Variants in SF1 observed in about 807,000 individuals in gnomAD.
SF1 encodes the protein branch point-binding protein.
A neutral mutation model predicts 62.5 loss-of-function variants in SF1; 7 were observed. The observed-to-expected ratio is 0.11, with a 90% CI of 0.06 to 0.21. The LOEUF is 0.21. Among genes scored for constraint, SF1 ranks in the 10% least tolerant of loss-of-function variants. The probability of loss-of-function intolerance (pLI) is 1.00; values close to 1 mark genes in which losing one functional copy is unlikely to be tolerated. For missense variants in SF1, 578 were observed against 884.0 expected (o/e 0.65, Z 4.39); for synonymous variants, 394 against 323.6 (o/e 1.22, Z -2.33).
At chr11:64,770,884 G>A in intron 3 of SF1, among the ~76,000 whole-genome samples, 1 of 152,186 alleles carries the variant, frequency 6.6e-6, no homozygotes, top group Non-Finnish European at 1.5e-5. Context: ...TAGTATGTAT[G>A]AGCTCTTTAA....
intron 2 of SF1, among the ~76,000 whole-genome samples, chr11:64,775,459 G>A (rs1285181920): frequency 6.6e-6 from 1 of 152,156 alleles, no homozygotes; most frequent in East Asian, 1.9e-4. Context: ...AGGAACAGTA[G>A]GGGAAAGAAC....
At chr11:64,766,791 G>A in intron 12 of SF1, 109 bp downstream of exon 12, 1 of 888,198 alleles carries the variant, frequency 1.1e-6, no homozygotes, top group Non-Finnish European at 1.6e-6. Flanking sequence ...CCCCAGCAGA[G>A]CCCAGGGGCT....
Position 64,765,469 on chromosome 11 carries a change from G to C in SF1, c.*349C>G. On this transcript the variant is annotated 3_prime_UTR_variant, in exon 13 of 13. Coordinates refer to ENST00000377390, the MANE Select transcript of SF1 (RefSeq NM_004630.4). ...CCTGGAAGGGTCACCAATGGGCGCG[G>C]AAAGTCCTCACTCTCATGGCTCGGG... is the stretch of plus-strand genomic sequence containing the variant. 1.2e-6 allele frequency: 2 copies of C among 1,613,532 alleles called. No homozygotes were observed. The highest frequency in any genetic ancestry group is 1.7e-6 in the Non-Finnish European group (2 of 1,179,752).
intron 10 of SF1, 33 bp downstream of exon 10, chr11:64,767,538 G>GC: frequency 7.9e-6 from 12 of 1,521,862 alleles, no homozygotes; most frequent in Middle Eastern, 4.3e-4. Context: ...TTATCCCAAA[G>GC]CCCCCAAGGT....
chr11:64,768,452 G>A (rs1387083520), intron 8 of SF1, among the ~76,000 whole-genome samples, 166 bp from the exon 9 acceptor site: 1 of 152,222 alleles, frequency 6.6e-6, no homozygotes, highest in Non-Finnish European at 1.5e-5. Context: ...AGTCTCATCA[G>A]ATCTTCAGTT....
Position 64,767,753 on chromosome 11 carries a change from G to T in SF1, c.1160C>A (p.Pro387His), listed in dbSNP as rs748351288. ...RPYHGMHGGG[P>H]GGPGGGPHSF... Reference sequence around the variant, plus strand: ...GTGGGGGCCACCTCCGGGCCCACCAGGACCACCTCCATGCATGCCGTGGTA... The same window carrying T: ...GTGGGGGCCACCTCCGGGCCCACCATGACCACCTCCATGCATGCCGTGGTA... Residue 387 changes from proline (P) to histidine (H), a missense_variant, in exon 10 of 13, where the codon CCT becomes CAT. By Grantham distance (77) the Pro-to-His change is moderately conservative (BLOSUM62 -2). Coordinates refer to ENST00000377390, the MANE Select transcript of SF1 (RefSeq NM_004630.4). 2.5e-6 allele frequency: 4 copies of T among 1,613,348 alleles called. No individual in the cohort carries two copies. Among genetic ancestry groups the T allele is most frequent in the Non-Finnish European group, 2.5e-6 (3 of 1,179,632 alleles).
rs1438755341 is a variant in SF1, at chr11:64,767,556, C to G, written c.1342+15G>C. ...TCCCAAAGCCCCCAAGGTTTCTGGTCTGACACTTACTTACCCATTGGAGGA... is the reference window on the plus strand; with the variant it reads ...TCCCAAAGCCCCCAAGGTTTCTGGTGTGACACTTACTTACCCATTGGAGGA... On this transcript the variant is annotated intron_variant, in intron 10 of 12. Coordinates refer to ENST00000377390, the MANE Select transcript of SF1 (RefSeq NM_004630.4). 1 of 1,535,238 alleles carries G rather than the reference C, an allele frequency of 6.5e-7. No homozygotes were observed. The highest frequency in any genetic ancestry group is 2.3e-5 in the East Asian group (1 of 44,062).
In SF1 at chr11:64,766,980, T is replaced by C. The variant is rs2058719743; in HGVS notation, c.1502A>G (p.Gln501Arg). Reference protein sequence around the residue: ...PPPSGPLPPWQQQQQQPPPPP... With the variant: ...PPPSGPLPPWRQQQQQPPPPP... ...TGGCGGAGGCTGCTGCTGCTGTTGTTGCCATGGGGGAAGAGGACCAGAGGG... is the reference window on the plus strand; with the variant it reads ...TGGCGGAGGCTGCTGCTGCTGTTGTCGCCATGGGGGAAGAGGACCAGAGGG... The change falls in exon 12 of 13, where the codon CAA (glutamine) becomes CGA (arginine). Residue 501 changes from glutamine to arginine, a missense_variant. This residue lies in a region of SF1 where 410 missense variants were observed against 452.4 expected (regional missense o/e 0.91). Coordinates refer to ENST00000377390, the MANE Select transcript of SF1 (RefSeq NM_004630.4). 3 of 1,507,512 alleles carry C rather than the reference T, an allele frequency of 2.0e-6. No individual in the cohort carries two copies. The highest frequency in any genetic ancestry group is 2.7e-6 in the Non-Finnish European group (3 of 1,127,588). 93.4% of individuals were successfully genotyped at this position (1,507,512 alleles called of 1,614,324 possible).
At chr11:64,773,079 T>C (rs992820853) in intron 3 of SF1, 1 of 1,136,332 alleles carries the variant, frequency 8.8e-7, no homozygotes, top group Admixed American at 5.1e-5. Context: ...AGAAAAACTC[T>C]ATGCCCTGGG....
At chr11:64,773,153 G>A (rs1938592153) in intron 3 of SF1, 1 of 1,261,410 alleles carries the variant, frequency 7.9e-7, no homozygotes, top group Non-Finnish European at 1.0e-6. Flanking sequence ...CCCTAAGGGT[G>A]GGTAAATCAG....
rs1295629539 is a variant in SF1, at chr11:64,778,503, C to T, written c.-111G>A. On this transcript the variant is annotated 5_prime_UTR_variant, in exon 1 of 13. Transcript: ENST00000377390. ...ATGCGCTGCCGGAGCGCGCGGAGCC[C>T]GTCCTCTCACGCGGCGGGCGGCGGC... The T allele has an allele frequency of 5.1e-5, 60 of 1,178,664 alleles. No homozygotes were observed. The highest frequency in any genetic ancestry group is 5.7e-5 in the Non-Finnish European group (54 of 953,912). 73.0% of individuals were successfully genotyped at this position (1,178,664 alleles called of 1,614,324 possible). A position where few individuals can be genotyped will look rare whatever the true frequency, so the allele number is the denominator to read the frequency against.
rs768523867 is a variant in SF1 at position 64,776,431 on chromosome 11, T to C, written c.160+67A>G. ...ACTACAATCTCAAACTTTCAAAAAATGCAGATCTTGCTCAGAATAAATCGT... is the reference window on the plus strand; with the variant it reads ...ACTACAATCTCAAACTTTCAAAAAACGCAGATCTTGCTCAGAATAAATCGT... On this transcript the variant is annotated intron_variant, in intron 2 of 12. Coordinates refer to ENST00000377390, the MANE Select transcript of SF1 (RefSeq NM_004630.4). 5.3e-6 allele frequency: 8 copies of C among 1,516,726 alleles called. No homozygotes were observed. In the Admixed American group the frequency reaches 5.5e-5, roughly 10 times the overall value. The allele number at this position is 1,516,726 out of a possible 1,614,324, so 94.0% of individuals were successfully genotyped here. A position where few individuals can be genotyped will look rare whatever the true frequency, so the allele number is the denominator to read the frequency against.
At chr11:64,777,235 T>C (rs1345206876) in intron 1 of SF1, among the ~76,000 whole-genome samples, 1 of 152,118 alleles carries the variant, frequency 6.6e-6, no homozygotes, top group Non-Finnish European at 1.5e-5. Flanking sequence ...CTATCAAAAA[T>C]TCAACAACCT....
rs1434864817 is a variant in SF1, at chr11:64,765,672, C to T, written c.*146G>A. ...CAAGCGAATCCTCAGTCGCTTGGCCCAGCCCAGTGCGTGCACACACACACA... is the reference window on the plus strand; with the variant it reads ...CAAGCGAATCCTCAGTCGCTTGGCCTAGCCCAGTGCGTGCACACACACACA... On this transcript the variant is annotated 3_prime_UTR_variant, in exon 13 of 13. Coordinates refer to ENST00000377390, the MANE Select transcript of SF1 (RefSeq NM_004630.4). 2 of 1,474,996 alleles carry T rather than the reference C, an allele frequency of 1.4e-6. No homozygotes were observed. Among genetic ancestry groups the T allele is most frequent in the East Asian group, 2.4e-5 (1 of 41,758 alleles). 91.4% of individuals were successfully genotyped at this position (1,474,996 alleles called of 1,614,324 possible).
rs372388176 is a variant in SF1 at position 64,777,538 on chromosome 11, G to T, written c.31+824C>A. The T allele has an allele frequency of 4.3e-5, 42 of 985,454 alleles. No individual in the cohort carries two copies. In the East Asian group the frequency reaches 2.3e-3, roughly 53 times the overall value. 61.0% of individuals were successfully genotyped at this position (985,454 alleles called of 1,614,324 possible). On this transcript the variant is annotated intron_variant, in intron 1 of 12. Transcript: ENST00000377390. Reference sequence around the variant, plus strand: ...AACCCTGCCTTGCTGTAGAAGCAGAGGAGCTATCCTTGGTACGGTTCCCAT... The same window carrying T: ...AACCCTGCCTTGCTGTAGAAGCAGATGAGCTATCCTTGGTACGGTTCCCAT...
intron 5 of SF1, 150 bp downstream of exon 5, chr11:64,769,814 C>T: frequency 1.3e-6 from 1 of 742,450 alleles, no homozygotes; most frequent in Non-Finnish European, 2.2e-6. Flanking sequence ...AGTTAAGACA[C>T]CTTCTCACAG....
At position 64,774,097 on chromosome 11, in the gene SF1, C is replaced by G. The variant is rs75937897; in HGVS notation, c.161-592G>C. The stretch of plus-strand genomic sequence containing the variant: ...TTTGTACATACTCTTTCTGTACAAC[C>G]AGACCTGTACTAGTAAGGGTCTCCC... On this transcript the variant is annotated intron_variant, in intron 2 of 12. Transcript: ENST00000377390. Among the ~76,000 whole-genome samples, 24 of 152,296 alleles carry G rather than the reference C, an allele frequency of 1.6e-4. No homozygotes were observed. The East Asian group carries it at 4.0e-3, about 26-fold the overall frequency.
chr11:64,767,857 A>G lies in SF1; in HGVS notation c.1069-13T>C. 1.9e-6 allele frequency: 3 copies of G among 1,604,644 alleles called. No individual in the cohort carries two copies. The highest frequency in any genetic ancestry group is 2.5e-6 in the Non-Finnish European group (3 of 1,177,150). On this transcript the variant is annotated splice_polypyrimidine_tract_variant and intron_variant, in intron 9 of 12. Transcript: ENST00000377390. ...TAGACATGAGAGACTACGTGAGAGC[A>G]TTTCCTGCCAACGTCCCTGCCTGCG... is the stretch of plus-strand genomic sequence containing the variant.
chr11:64,769,930 G>A (rs1470793705), intron 5 of SF1, 34 bp downstream of exon 5: 6 of 1,509,670 alleles, frequency 4.0e-6, no homozygotes, highest in South Asian at 2.3e-5. Context: ...GGCTCTAAAG[G>A]AATTCTATAT....
Sources: allele counts gnomAD v4.1 joint callset (sites outside exome capture counted in the v4.1 genomes callset), GRCh38; gene constraint gnomAD v4.1.1; regional missense constraint gnomAD v4.1.1; transcripts MANE v1.5; gene names NCBI Gene and HGNC (gene_info 2026-07-23, HGNC 2026-07-21).